RELA: variants seen among roughly 807,000 people sequenced by gnomAD.
The protein encoded by RELA is RELA proto-oncogene, NF-kB subunit.
Under a neutral mutation model 56.7 loss-of-function variants are expected in RELA, and 14 were observed. That is an observed-to-expected ratio of 0.25 (90% CI 0.16 to 0.39). The LOEUF is 0.39. RELA is among the 10% of genes least tolerant of loss of function. The probability of loss-of-function intolerance (pLI) is 1.00; values close to 1 mark genes in which losing one functional copy is unlikely to be tolerated. For missense variants in RELA, 559 were observed against 736.4 expected, an observed-to-expected ratio of 0.76 and a Z score of 2.79; for synonymous variants, 315 against 289.7, an observed-to-expected ratio of 1.09 and a Z score of -0.89.
chr11:65,654,318 C>CT lies in RELA; in HGVS notation c.*59dup. On this transcript the variant is annotated 3_prime_UTR_variant, in exon 11 of 11. Coordinates refer to ENST00000406246, the MANE Select transcript of RELA (RefSeq NM_021975.4). ...CACACCCCACCAGAATCCGTAAGTGCTTTTGGAGGGCTTCAATCCCCTGCA... is the reference window on the plus strand; with the variant it reads ...CACACCCCACCAGAATCCGTAAGTGCTTTTTGGAGGGCTTCAATCCCCTGCA... The CT allele has an allele frequency of 6.2e-7, 1 of 1,610,522 alleles. No individual in the cohort carries two copies. The highest frequency in any genetic ancestry group is 8.5e-7 in the Non-Finnish European group (1 of 1,177,900).
rs534009178 is a variant in RELA at position 65,659,730 on chromosome 11, C to T, written c.495G>A (p.Val165=). ...NAVRLCFQVT[V]RDPSGRPLRL... is the part of the protein sequence containing the mutation. ...GGAGGGGCCTGCCTGATGGGTCCCG[C>T]ACTGTCACCTGGAAGCAGAGCCGCA... Residue 165 remains valine (V), a synonymous_variant, in exon 6 of 11, where the codon GTG becomes GTA. Coordinates refer to ENST00000406246, the MANE Select transcript of RELA (RefSeq NM_021975.4). 161 of 1,613,996 alleles carry T rather than the reference C, an allele frequency of 1.0e-4. No individual in the cohort carries two copies. In the South Asian group the frequency reaches 1.7e-3, roughly 17 times the overall value.
intron 1 of RELA, 125 bp downstream of exon 1, chr11:65,662,701 C>A: frequency 1.3e-6 from 1 of 753,484 alleles, no homozygotes; most frequent in East Asian, 3.9e-5. Flanking sequence ...CACCATCCGG[C>A]AGGCCGACCG....
chr11:65,657,269 G>A (rs1013633802), intron 8 of RELA, among the ~76,000 whole-genome samples: 13 of 152,152 alleles, frequency 8.5e-5, no homozygotes, highest in South Asian at 4.1e-4. Context: ...GACGCAAAAC[G>A]GCTGCAGGGC....
At chr11:65,662,442 C>A in intron 1 of RELA, 1 of 523,832 alleles carries the variant, frequency 1.9e-6, no homozygotes, top group Non-Finnish European at 3.3e-6. Context: ...GAATCAGGGC[C>A]TGTTGTACTT....
At position 65,658,627 on chromosome 11, in the gene RELA, A is replaced by G. The variant is rs543975250; in HGVS notation, c.664+91T>C. On this transcript the variant is annotated intron_variant, in intron 7 of 10. Coordinates refer to ENST00000406246, the MANE Select transcript of RELA (RefSeq NM_021975.4). This position sits in a 1 kb window ranked among gnomAD's most constrained non-coding sequence, Gnocchi z 4.5. ...CCTGAGGCCCCCGAGGCACAGGAGG[A>G]AGTATCCAAAGCCAGTTACCTGACA... 8.5e-6 allele frequency: 12 copies of G among 1,404,230 alleles called. No individual in the cohort carries two copies. Among genetic ancestry groups the G allele is most frequent in the Middle Eastern group, 1.8e-4 (1 of 5,646 alleles). The allele number at this position is 1,404,230 out of a possible 1,614,324, so 87.0% of individuals were successfully genotyped here.
chr11:65,661,916 ACACCC>A lies in RELA; in HGVS notation c.186+16_186+20del, dbSNP rs1856578527. On this transcript the variant is annotated intron_variant, in intron 3 of 10. Transcript: ENST00000406246. ...TGGGGTTCCACAGTCCCTTCCCCGC[ACACCC>A]TGGCGCAGTGCTGACCTTGATGGTG... is the stretch of plus-strand genomic sequence containing the variant. 1 of 1,608,722 alleles carries A rather than the reference ACACCC, an allele frequency of 6.2e-7. No homozygotes were observed. The highest frequency in any genetic ancestry group is 8.5e-7 in the Non-Finnish European group (1 of 1,176,696).
rs748545913 is a variant in RELA, at chr11:65,654,904, G to A, written c.1130C>T (p.Ser377Leu). 2.2e-5 allele frequency: 35 copies of A among 1,592,962 alleles called. No homozygotes were observed. In the East Asian group the frequency reaches 2.3e-4, roughly 10 times the overall value. The stretch of plus-strand genomic sequence containing the variant: ...TTGGGGAGGGGCCGGGGCCAAGGCC[G>A]AGGCCTGGCTGATCTGCCCAGAAGG... Reference protein sequence around the residue: ...VFPSGQISQASALAPAPPQVL... With the variant: ...VFPSGQISQALALAPAPPQVL... The change falls in exon 11 of 11, where the codon TCG becomes TTG. Residue 377 changes from serine to leucine, a missense_variant. Physicochemically the swap from Ser to Leu is moderately radical, Grantham distance 145. Around this residue, in one of 4 missense-constraint regions of RELA, gnomAD observed 365 missense variants for 387.5 expected, o/e 0.94. Transcript: ENST00000406246.
In RELA at chr11:65,660,084, T is replaced by C. The variant is rs959085051; in HGVS notation, c.427+40A>G. On this transcript the variant is annotated intron_variant, in intron 5 of 10. Coordinates refer to ENST00000406246, the MANE Select transcript of RELA (RefSeq NM_021975.4). ...TGCAGGAAAGGCGGGCTGGGGAGGG[T>C]GACAGAGGGTGCGGGTGTGGCAGGC... The C allele has an allele frequency of 5.1e-6, 8 of 1,578,922 alleles. No homozygotes were observed. In the Admixed American group the frequency reaches 1.0e-4, roughly 20 times the overall value.
rs944961752 is a variant in RELA at position 65,653,970 on chromosome 11, G to A, written c.*408C>T. 1 of 294,634 alleles carries A rather than the reference G, an allele frequency of 3.4e-6. No individual in the cohort carries two copies. Among genetic ancestry groups the A allele is most frequent in the African/African-American group, 2.3e-5 (1 of 43,304 alleles). 18.3% of individuals were successfully genotyped at this position (294,634 alleles called of 1,614,324 possible). A position where few individuals can be genotyped will look rare whatever the true frequency, so the allele number is the denominator to read the frequency against. On this transcript the variant is annotated 3_prime_UTR_variant, in exon 11 of 11. Coordinates refer to ENST00000406246, the MANE Select transcript of RELA (RefSeq NM_021975.4). ...GTATCTGGGGCGTTATTTTGATTAA[G>A]CTGTAATGAATCCATGATGGAAGAC...
rs1243192224 is a variant in RELA at position 65,661,252 on chromosome 11, C to T, written c.335+435G>A. 3.3e-5 allele frequency among the ~76,000 whole-genome samples: 5 copies of T among 151,886 alleles called. 1 individual carries two copies. In the East Asian group the frequency reaches 9.6e-4, roughly 29 times the overall value. ...ATGTTGCCTTGGCTAGTCTTGAATT[C>T]CTAGGCTCAAGAGATCTTCCTGCCT... On this transcript the variant is annotated intron_variant, in intron 4 of 10. Coordinates refer to ENST00000406246, the MANE Select transcript of RELA (RefSeq NM_021975.4).
At chr11:65,659,843 T>C (rs1277667277) in intron 5 of RELA, 46 bp from the exon 6 acceptor site, 56 of 1,574,326 alleles carry the variant, frequency 3.6e-5, no homozygotes, top group Non-Finnish European at 4.8e-5. Context: ...AGTGGGGATA[T>C]AGGTGCTATC....
chr11:65,660,102 T>C, intron 5 of RELA, 22 bp downstream of exon 5: 4 of 1,608,364 alleles, frequency 2.5e-6, no homozygotes, highest in Non-Finnish European at 3.4e-6. Context: ...GGTGCGGGTG[T>C]GGCAGGCAGG....
At chr11:65,655,974 CA>C (rs1254132244) in intron 8 of RELA, 39 bp from the exon 9 acceptor site, 1 of 1,574,702 alleles carries the variant, frequency 6.4e-7, no homozygotes, top group Non-Finnish European at 8.7e-7. Context: ...TTGCTCTCCT[CA>C]GGTGGGTCCC....
Position 65,654,348 on chromosome 11 carries a change from A to G in RELA, c.*30T>C. On this transcript the variant is annotated 3_prime_UTR_variant, in exon 11 of 11. Coordinates refer to ENST00000406246, the MANE Select transcript of RELA (RefSeq NM_021975.4). ...GGAGGGCTTCAATCCCCTGCAACCC[A>G]GTGCTCTGGGGAGGGCAGGCGTCAC... 6.2e-7 allele frequency: 1 copy of G among 1,613,774 alleles called. No individual in the cohort carries two copies. Among genetic ancestry groups the G allele is most frequent in the Non-Finnish European group, 8.5e-7 (1 of 1,179,972 alleles).
At chr11:65,660,644 G>A in intron 4 of RELA, 1 of 191,216 alleles carries the variant, frequency 5.2e-6, no homozygotes, top group Admixed American at 5.7e-5. Flanking sequence ...CCCCACCCCA[G>A]GTTATCCTTC....
chr11:65,662,666 C>G (rs948012666), intron 1 of RELA, 160 bp downstream of exon 1: 2 of 467,924 alleles, frequency 4.3e-6, no homozygotes, highest in Admixed American at 9.5e-5. Flanking sequence ...GAGTCAGACC[C>G]CTCCCCGCCT....
chr11:65,661,347 GTC>G, intron 4 of RELA: 1 of 225,396 alleles, frequency 4.4e-6, no homozygotes, highest in Non-Finnish European at 8.7e-6. Context: ...TTTACAGCCT[GTC>G]TCTGTCAACT....
At chr11:65,661,891 T>C in intron 3 of RELA, 46 bp downstream of exon 3, 2 of 1,604,502 alleles carry the variant, frequency 1.2e-6, no homozygotes, top group Non-Finnish European at 1.7e-6. Flanking sequence ...CACAGAGGGC[T>C]GGGGTTCCAC....
In RELA at chr11:65,654,872, G is replaced by A. The variant is rs1283746730; in HGVS notation, c.1162C>T (p.Pro388Ser). Residue 388 changes from proline to serine, a missense_variant, in exon 11 of 11, where the codon CCC becomes TCC. By Grantham distance (74) the Pro-to-Ser change is moderately conservative (BLOSUM62 -1). Coordinates refer to ENST00000406246, the MANE Select transcript of RELA (RefSeq NM_021975.4). The stretch of plus-strand genomic sequence containing the variant: ...GCAGGGGCAGGGGCTGGAGCCTGGG[G>A]CAGGACTTGGGGAGGGGCCGGGGCC... ...ALAPAPPQVL[P>S]QAPAPAPAPA... 1 of 1,572,230 alleles carries A rather than the reference G, an allele frequency of 6.4e-7. No individual in the cohort carries two copies. The highest frequency in any genetic ancestry group is 1.9e-5 in the Admixed American group (1 of 53,390).
Sources: gnomAD v4.1 joint callset for allele counts (sites outside exome capture counted in the v4.1 genomes callset) on GRCh38, gnomAD v4.1.1 for gene constraint, gnomAD v4.1.1 regional missense constraint, Gnocchi (gnomAD v3.1) non-coding constraint, MANE v1.5 for transcripts, NCBI Gene and HGNC (gene_info 2026-07-23, HGNC 2026-07-21) for gene names.